NBEAL2: variants seen among roughly 807,000 people sequenced by gnomAD.
The protein encoded by NBEAL2 is neurobeachin like 2.
A neutral mutation model predicts 299.8 loss-of-function variants in NBEAL2; 160 were observed. The observed-to-expected ratio is 0.53, with a 90% CI of 0.47 to 0.61. The LOEUF (loss-of-function observed/expected upper bound fraction) is 0.61, where lower values mean the gene tolerates loss of function less well. Ranked by LOEUF, NBEAL2 falls within the 20% of genes least tolerant of loss-of-function variation. The pLI, the probability that NBEAL2 is intolerant of heterozygous loss-of-function variation, is 0.00. For missense variants in NBEAL2, 3,112 were observed against 3,649.0 expected (o/e 0.85, Z 3.79); for synonymous variants, 1,493 against 1,542.3 (o/e 0.97, Z 0.75).
In NBEAL2 at chr3:47,003,390, A is replaced by C. The variant is rs985156366; in HGVS notation, c.5720+81A>C. 6.5e-7 allele frequency: 1 copy of C among 1,535,930 alleles called. No individual in the cohort carries two copies. Among genetic ancestry groups the C allele is most frequent in the Non-Finnish European group, 8.8e-7 (1 of 1,138,132 alleles). ...GTGTGTGCATGCCTCTGTGGGATCA[A>C]CTCCCTGAGTGTGTCCTCTTCTGCT... On this transcript the variant is annotated intron_variant, in intron 35 of 53. Coordinates refer to ENST00000450053, the MANE Select transcript of NBEAL2 (RefSeq NM_015175.3). The surrounding 1 kb of genome is among the most constrained non-coding windows in gnomAD (Gnocchi z 7.0).
chr3:46,983,644 T>C (rs2035500919), intron 1 of NBEAL2, among the ~76,000 whole-genome samples: 1 of 152,124 alleles, frequency 6.6e-6, no homozygotes, highest in South Asian at 2.1e-4. Context: ...TCAGTTTACC[T>C]TCCTGAAATG....
Position 46,991,206 on chromosome 3 carries a change from C to T in NBEAL2, c.557-13C>T, listed in dbSNP as rs376711234. 2 of 1,594,682 alleles carry T rather than the reference C, an allele frequency of 1.3e-6. No individual in the cohort carries two copies. Among genetic ancestry groups the T allele is most frequent in the Non-Finnish European group, 1.7e-6 (2 of 1,168,922 alleles). On this transcript the variant is annotated splice_polypyrimidine_tract_variant and intron_variant, in intron 6 of 53. Transcript: ENST00000450053. The surrounding 1 kb of genome is among the most constrained non-coding windows in gnomAD (Gnocchi z 6.2). The stretch of plus-strand genomic sequence containing the variant: ...CCTTGGTGACATTACCCTGCCCACA[C>T]CCCCCTACCCAGAGAGCCTACAGAA...
chr3:46,995,660 C>T, intron 13 of NBEAL2, 27 bp downstream of exon 13: 1 of 1,609,138 alleles, frequency 6.2e-7, no homozygotes, highest in East Asian at 2.2e-5. Context: ...GGCCAGGGAC[C>T]TCCTGCCAGG....
At position 46,995,628 on chromosome 3, in the gene NBEAL2, G is replaced by C; in HGVS notation, c.1893G>C (p.Leu631=). Residue 631 remains leucine, a synonymous_variant, in exon 13 of 54, where the codon CTG becomes CTC. Transcript: ENST00000450053. ...APTRPLQRKQ[L]YSFFTSSGSG... ...CCCGACCACTCCAGCGAAAGCAGCT[G>C]TACAGGTGGGTGACTGCCAGGGGCC... 1 of 1,610,124 alleles carries C rather than the reference G, an allele frequency of 6.2e-7. No individual in the cohort carries two copies. The highest frequency in any genetic ancestry group is 8.5e-7 in the Non-Finnish European group (1 of 1,177,626).
In NBEAL2 at chr3:47,000,108, G is replaced by A; in HGVS notation, c.4009G>A (p.Ala1337Thr). 2 of 1,613,640 alleles carry A rather than the reference G, an allele frequency of 1.2e-6. No homozygotes were observed. The highest frequency in any genetic ancestry group is 1.1e-5 in the South Asian group (1 of 91,072). The change falls in exon 27 of 54, where the codon GCC (alanine) becomes ACC (threonine). Residue 1337 changes from alanine (A) to threonine (T), a missense_variant. Around this residue, in one of 3 missense-constraint regions of NBEAL2, gnomAD observed 2,243 missense variants for 2,538.1 expected, o/e 0.88. Coordinates refer to ENST00000450053, the MANE Select transcript of NBEAL2 (RefSeq NM_015175.3). The surrounding 1 kb of genome is among the most constrained non-coding windows in gnomAD (Gnocchi z 4.5). ...TTCAGATGTCTTCCTGCCCTCAGAG[G>A]CCCCCTGCCCTGACCCTGATGGCTT... is the stretch of plus-strand genomic sequence containing the variant. ...EPSDVFLPSE[A>T]PCPDPDGFYH... is the part of the protein sequence containing the mutation.
chr3:46,991,900 G>A lies in NBEAL2; in HGVS notation c.986G>A (p.Ser329Asn), dbSNP rs1375854910. ...CCAGTGCTGCAAGCCACCTTCCTCA[G>A]CAACAATTGCTTTGAACACCTCACT... ...DRPVLQATFLSNNCFEHLTRL... is the reference protein window; with the variant it reads ...DRPVLQATFLNNNCFEHLTRL... Residue 329 changes from serine (S) to asparagine (N), a missense_variant, in exon 9 of 54, where the codon AGC (serine) becomes AAC (asparagine). Around this residue, in one of 3 missense-constraint regions of NBEAL2, gnomAD observed 2,243 missense variants for 2,538.1 expected, o/e 0.88. Coordinates refer to ENST00000450053, the MANE Select transcript of NBEAL2 (RefSeq NM_015175.3). This position sits in a 1 kb window ranked among gnomAD's most constrained non-coding sequence, Gnocchi z 6.2. 1.9e-6 allele frequency: 3 copies of A among 1,604,186 alleles called. No homozygotes were observed. Among genetic ancestry groups the A allele is most frequent in the Non-Finnish European group, 2.6e-6 (3 of 1,175,548 alleles).
At chr3:46,981,477 C>T (rs2035334331) in intron 1 of NBEAL2, among the ~76,000 whole-genome samples, 1 of 152,138 alleles carries the variant, frequency 6.6e-6, no homozygotes, top group Admixed American at 6.5e-5. Flanking sequence ...TGACACAGCC[C>T]TGACCTCAGG....
chr3:46,981,398 C>T (rs1283243141), intron 1 of NBEAL2, among the ~76,000 whole-genome samples: 2 of 151,934 alleles, frequency 1.3e-5, no homozygotes, highest in Non-Finnish European at 2.9e-5. Context: ...GCCGAGATCG[C>T]GCCACTGCAC....
chr3:46,997,068 G>A lies in NBEAL2; in HGVS notation c.2649+22G>A, dbSNP rs746550216. ...GAAGGTCTGTGAGCACGTGTGGGTGGTGTGTGCAGGAGGCATGAATATGGG... is the reference window on the plus strand; with the variant it reads ...GAAGGTCTGTGAGCACGTGTGGGTGATGTGTGCAGGAGGCATGAATATGGG... On this transcript the variant is annotated intron_variant, in intron 18 of 53. Transcript: ENST00000450053. 18 of 1,605,570 alleles carry A rather than the reference G, an allele frequency of 1.1e-5. No homozygotes were observed. The Admixed American group carries it at 1.7e-4, about 15-fold the overall frequency.
At chr3:47,005,376 G>A in intron 40 of NBEAL2, 55 bp downstream of exon 40, 2 of 1,580,736 alleles carry the variant, frequency 1.3e-6, no homozygotes, top group Admixed American at 3.6e-5. Context: ...GAGGAGGCTG[G>A]TCCTCCCCAC....
At position 47,002,121 on chromosome 3, in the gene NBEAL2, T is replaced by C; in HGVS notation, c.4984T>C (p.Ser1662Pro). ...AGCTGCAGCAGCTGCAGAGCGCTGC[T>C]CCTGGCTGGTGCCACTGGTGCGCAC... ...AAAAAAAERCSWLVPLVRTLL... is the reference protein window; with the variant it reads ...AAAAAAAERCPWLVPLVRTLL... The change falls in exon 31 of 54, where the codon TCC becomes CCC. Residue 1662 changes from serine to proline, a missense_variant. Ser to Pro is a moderately conservative substitution (Grantham distance 74). Coordinates refer to ENST00000450053, the MANE Select transcript of NBEAL2 (RefSeq NM_015175.3). 1 of 1,550,682 alleles carries C rather than the reference T, an allele frequency of 6.4e-7. No homozygotes were observed. The highest frequency in any genetic ancestry group is 1.2e-5 in the South Asian group (1 of 84,472).
At position 47,002,081 on chromosome 3, in the gene NBEAL2, A is replaced by G; in HGVS notation, c.4944A>G (p.Pro1648=). ...LESATDEAGS[P]LAAAAAAAAA... ...CAGCCACTGATGAGGCAGGGTCCCC[A>G]CTTGCAGCTGCAGCAGCTGCAGCAG... Residue 1648 remains proline, a synonymous_variant, in exon 31 of 54, where the codon CCA becomes CCG. Coordinates refer to ENST00000450053, the MANE Select transcript of NBEAL2 (RefSeq NM_015175.3). The G allele has an allele frequency of 1.3e-6, 2 of 1,551,650 alleles. No homozygotes were observed. The highest frequency in any genetic ancestry group is 1.7e-6 in the Non-Finnish European group (2 of 1,147,680).
chr3:47,002,245 C>T lies in NBEAL2; in HGVS notation c.5108C>T (p.Ala1703Val), dbSNP rs1307504300. The stretch of plus-strand genomic sequence containing the variant: ...CCCACCTTCTTTGAAGACTTCCAGG[C>T]TTTTTGTGCCACACCCGAATGGCGC... ...GSPTFFEDFQ[A>V]FCATPEWRHF... The change falls in exon 31 of 54, where the codon GCT (alanine) becomes GTT (valine). Residue 1703 changes from alanine (A) to valine (V), a missense_variant. By Grantham distance (64) the Ala-to-Val change is moderately conservative. Transcript: ENST00000450053. The T allele has an allele frequency of 1.2e-5, 18 of 1,552,922 alleles. No homozygotes were observed. The highest frequency in any genetic ancestry group is 1.6e-5 in the Non-Finnish European group (18 of 1,148,030).
At chr3:47,008,734 C>G in intron 52 of NBEAL2, 66 bp downstream of exon 52, 2 of 1,594,342 alleles carry the variant, frequency 1.3e-6, no homozygotes, top group Middle Eastern at 1.7e-4. Context: ...GATAAAGGCC[C>G]TAGGAACCCA....
Position 47,002,170 on chromosome 3 carries a change from C to A in NBEAL2, c.5033C>A (p.Pro1678Gln). ...VRTLLDRAYE[P>Q]LGLQWGLPSL... Reference sequence around the variant, plus strand: ...ACGCTGCTAGACCGTGCCTATGAGCCGCTGGGGCTGCAGTGGGGACTGCCC... The same window carrying A: ...ACGCTGCTAGACCGTGCCTATGAGCAGCTGGGGCTGCAGTGGGGACTGCCC... Residue 1678 changes from proline to glutamine, a missense_variant, in exon 31 of 54, where the codon CCG becomes CAG. Pro to Gln is a moderately conservative substitution (Grantham distance 76). This residue lies in a region of NBEAL2 where 2,243 missense variants were observed against 2,538.1 expected (regional missense o/e 0.88). Coordinates refer to ENST00000450053, the MANE Select transcript of NBEAL2 (RefSeq NM_015175.3). 6.5e-7 allele frequency: 1 copy of A among 1,533,186 alleles called. No individual in the cohort carries two copies. Among genetic ancestry groups the A allele is most frequent in the Non-Finnish European group, 8.8e-7 (1 of 1,135,446 alleles). 95.0% of individuals were successfully genotyped at this position (1,533,186 alleles called of 1,614,324 possible). A position where few individuals can be genotyped will look rare whatever the true frequency, so the allele number is the denominator to read the frequency against.
In NBEAL2 at chr3:46,988,047, C is replaced by T; in HGVS notation, c.52-622C>T. 1 of 1,271,708 alleles carries T rather than the reference C, an allele frequency of 7.9e-7. No individual in the cohort carries two copies. The highest frequency in any genetic ancestry group is 1.0e-6 in the Non-Finnish European group (1 of 980,384). 78.8% of individuals were successfully genotyped at this position (1,271,708 alleles called of 1,614,324 possible). A position where few individuals can be genotyped will look rare whatever the true frequency, so the allele number is the denominator to read the frequency against. On this transcript the variant is annotated intron_variant, in intron 1 of 53. Transcript: ENST00000450053. The surrounding 1 kb of genome is among the most constrained non-coding windows in gnomAD (Gnocchi z 4.4). ...GGGCTTAGCCACTGCCCCTCTTGCCCATGGAACCAGCTCTGGGGCCTGGGG... is the reference window on the plus strand; with the variant it reads ...GGGCTTAGCCACTGCCCCTCTTGCCTATGGAACCAGCTCTGGGGCCTGGGG...
rs895924621 is a variant in NBEAL2 at position 46,982,730 on chromosome 3, G to C, written c.51+2818G>C. On this transcript the variant is annotated intron_variant, in intron 1 of 53. Transcript: ENST00000450053. The surrounding 1 kb of genome is among the most constrained non-coding windows in gnomAD (Gnocchi z 4.2). ...AGGAGGCTGAGTTTGGGCTTTGAAG[G>C]CTGAGAGGAAGAAACAGCAGGAGCA... is the stretch of plus-strand genomic sequence containing the variant. Among the ~76,000 whole-genome samples, 20 of 152,138 alleles carry C rather than the reference G, an allele frequency of 1.3e-4. No homozygotes were observed. Among genetic ancestry groups the C allele is most frequent in the Non-Finnish European group, 2.6e-4 (18 of 68,022 alleles).
At chr3:46,992,261 G>A (rs1367861253) in intron 9 of NBEAL2, among the ~76,000 whole-genome samples, 1 of 152,158 alleles carries the variant, frequency 6.6e-6, no homozygotes, top group South Asian at 2.1e-4. Flanking sequence ...CTAGAGGAGG[G>A]CACCACTGCT....
chr3:47,001,099 G>A lies in NBEAL2; in HGVS notation c.4404G>A (p.Glu1468=), dbSNP rs1163987388. The A allele has an allele frequency of 1.2e-6, 2 of 1,612,440 alleles. No individual in the cohort carries two copies. The highest frequency in any genetic ancestry group is 1.1e-5 in the South Asian group (1 of 90,858). The change falls in exon 28 of 54, where the codon GAG becomes GAA. Residue 1468 remains glutamate (E), a synonymous_variant. Transcript: ENST00000450053. This position sits in a 1 kb window ranked among gnomAD's most constrained non-coding sequence, Gnocchi z 6.1. The part of the protein sequence containing the change: ...VEGSDEAAWR[E]RGQVFSVLTQ... The stretch of plus-strand genomic sequence containing the variant: ...GCAGCGATGAGGCTGCCTGGCGGGA[G>A]CGTGGCCAGGTTTTCTCAGTGCTCA...
Sources: allele counts gnomAD v4.1 joint callset (sites outside exome capture counted in the v4.1 genomes callset), GRCh38; gene constraint gnomAD v4.1.1; regional missense constraint gnomAD v4.1.1; non-coding constraint Gnocchi (gnomAD v3.1); transcripts MANE v1.5; gene names NCBI Gene and HGNC (gene_info 2026-07-23, HGNC 2026-07-21).